The following UBAP2L variants were observed in gnomAD, a reference collection of about 807,000 sequenced individuals.
UBAP2L encodes ubiquitin-associated protein 2-like.
A neutral mutation model predicts 130.6 loss-of-function variants in UBAP2L; 12 were observed. That is an observed-to-expected ratio of 0.09 (90% confidence interval 0.06 to 0.15). The LOEUF is 0.15. Among genes scored for constraint, UBAP2L ranks in the 10% least tolerant of loss-of-function variants. The pLI is 1.00. For synonymous variants in UBAP2L, 503 were observed against 524.7 expected (o/e 0.96, Z 0.57); for missense variants, 965 against 1,332.5 (o/e 0.72, Z 4.29).
chr1:154,254,641 GTT>G (rs1679002878), intron 15 of UBAP2L, 193 bp from the exon 16 acceptor site: 5 of 579,180 alleles, frequency 8.6e-6, no homozygotes, highest in African/African-American at 4.4e-5. Context: ...GTATATCTCA[GTT>G]TTGTTGTTTA....
Position 154,270,250 on chromosome 1 carries a change from G to A in UBAP2L, c.3219G>A (p.Gln1073=). The change falls in exon 27 of 27, where the codon CAG becomes CAA. Residue 1073 remains glutamine (Q), a synonymous_variant. Transcript: ENST00000428931. ...SQTSSIPQKP[Q]TNKSAYNSYS... ...CCAGCTCCATCCCGCAGAAGCCCCA[G>A]ACCAACAAGTCTGCCTACAACAGCT... The A allele has an allele frequency of 6.2e-7, 1 of 1,613,654 alleles. No individual in the cohort carries two copies. The highest frequency in any genetic ancestry group is 8.5e-7 in the Non-Finnish European group (1 of 1,179,812).
At chr1:154,229,552 G>A (rs1267267439) in intron 4 of UBAP2L, among the ~76,000 whole-genome samples, 1 of 151,774 alleles carries the variant, frequency 6.6e-6, no homozygotes, top group Non-Finnish European at 1.5e-5. Flanking sequence ...CAACCTCCTC[G>A]TCCTGGGCTT....
At position 154,259,348 on chromosome 1, in the gene UBAP2L, C is replaced by T. The variant is rs553493605; in HGVS notation, c.2496+318C>T. Among the ~76,000 whole-genome samples the T allele has an allele frequency of 2.1e-3, 327 of 152,100 alleles. 1 individual carries two copies. Among genetic ancestry groups the T allele is most frequent in the African/African-American group, 7.6e-3 (317 of 41,496 alleles). On this transcript the variant is annotated intron_variant, in intron 21 of 26. Transcript: ENST00000428931. ...TGGGATTAAAGGTGCCCACCACCAC[C>T]CCCAGCTAATTTTTTTTGTATTTTT...
chr1:154,224,311 GGT>G (rs1348940860), intron 1 of UBAP2L, among the ~76,000 whole-genome samples: 4 of 152,268 alleles, frequency 2.6e-5, no homozygotes, highest in Admixed American at 2.6e-4. Flanking sequence ...TGTATATTAA[GGT>G]GAGTGGTGGA....
Position 154,259,007 on chromosome 1 carries a change from A to T in UBAP2L, c.2473A>T (p.Met825Leu). Residue 825 changes from methionine to leucine, a missense_variant, in exon 21 of 27, where the codon ATG becomes TTG. This residue lies in a region of UBAP2L where 393 missense variants were observed against 408.1 expected (regional missense o/e 0.96). Transcript: ENST00000428931. ...AGTATATGGTTATGATGACTTGCAG[A>T]TGCTTCAGACAAGATTTCCATTGGT... is the stretch of plus-strand genomic sequence containing the variant. ...PQVYGYDDLQ[M>L]LQTRFPLDYY... The T allele has an allele frequency of 6.2e-7, 1 of 1,614,064 alleles. No homozygotes were observed. Among genetic ancestry groups the T allele is most frequent in the South Asian group, 1.1e-5 (1 of 91,066 alleles).
chr1:154,220,569 G>A (rs1459905867), upstream of UBAP2L: 2 of 691,038 alleles, frequency 2.9e-6, no homozygotes, highest in Non-Finnish European at 5.0e-6. Flanking sequence ...ATGGCGGACA[G>A]GCAGGAGAGC....
rs1684605770 is a variant in UBAP2L, at chr1:154,270,784, T to TTTTTTTTA, written c.*491_*492insTTTTTATT. On this transcript the variant is annotated 3_prime_UTR_variant, in exon 27 of 27. Coordinates refer to ENST00000428931, the MANE Select transcript of UBAP2L (RefSeq NM_014847.4). ...GTTTTTTTTTTGTTTTTTTTTTTTTTTTGTACTGTGTCCTCAAATTTAATG... is the reference window on the plus strand; with the variant it reads ...GTTTTTTTTTTGTTTTTTTTTTTTTTTTTTTTTATTGTACTGTGTCCTCAAATTTAATG... 1 of 1,332,578 alleles carries TTTTTTTTA rather than the reference T, an allele frequency of 7.5e-7. No homozygotes were observed. Among genetic ancestry groups the TTTTTTTTA allele is most frequent in the Non-Finnish European group, 9.7e-7 (1 of 1,035,768 alleles). The allele number at this position is 1,332,578 out of a possible 1,614,324, so 82.5% of individuals were successfully genotyped here.
At chr1:154,271,112 C>G, downstream of UBAP2L, 1 of 664,140 alleles carries the variant, frequency 1.5e-6, no homozygotes, top group Non-Finnish European at 2.5e-6. Flanking sequence ...TCTTCATTTC[C>G]TCCAGAAACT....
rs1681354611 is a variant in UBAP2L at position 154,260,906 on chromosome 1, T to C, written c.2593T>C (p.Phe865Leu). The C allele has an allele frequency of 6.2e-7, 1 of 1,614,086 alleles. No individual in the cohort carries two copies. The change falls in exon 23 of 27, where the codon TTC (phenylalanine) becomes CTC (leucine). Residue 865 changes from phenylalanine to leucine, a missense_variant. Coordinates refer to ENST00000428931, the MANE Select transcript of UBAP2L (RefSeq NM_014847.4). The part of the protein sequence containing the change: ...SNPYSGDLTK[F>L]GRGDASSPAP... Reference sequence around the variant, plus strand: ...TCCTGTCACAGGTGACCTCACAAAGTTCGGCCGTGGGGATGCCTCCTCCCC... The same window carrying C: ...TCCTGTCACAGGTGACCTCACAAAGCTCGGCCGTGGGGATGCCTCCTCCCC...
intron 10 of UBAP2L, among the ~76,000 whole-genome samples, chr1:154,244,194 C>T (rs752570105): frequency 3.9e-5 from 6 of 152,114 alleles, no homozygotes; most frequent in South Asian, 2.1e-4. Context: ...TCAGTTCTGA[C>T]GTTAACTACC....
At chr1:154,220,237 A>AG (rs1665427473), upstream of UBAP2L, 3 of 1,350,742 alleles carry the variant, frequency 2.2e-6, no homozygotes, top group Non-Finnish European at 3.2e-6. Flanking sequence ...AAGCCCGGAT[A>AG]GGCGCAGGTG....
chr1:154,226,716 C>T (rs79796472), intron 2 of UBAP2L, among the ~76,000 whole-genome samples: 4,401 of 152,290 alleles, frequency 0.029, 208 homozygotes, highest in African/African-American at 0.098. Flanking sequence ...TGTTTCAGAG[C>T]GGTTCTGTGA....
chr1:154,227,747 C>T (rs1668459170), intron 3 of UBAP2L, among the ~76,000 whole-genome samples: 1 of 151,974 alleles, frequency 6.6e-6, no homozygotes, highest in Non-Finnish European at 1.5e-5. Flanking sequence ...GGGGTTTCAC[C>T]ATGTTGGCCA....
Position 154,246,324 on chromosome 1 carries a change from G to T in UBAP2L, c.963G>T (p.Gln321His). ...CTCTGGTGTTCAGTAATTCGAAGCA[G>T]ACTGCCATATCACAGCCTGCTTCAG... ...AQPLVFSNSK[Q>H]TAISQPASGN... Residue 321 changes from glutamine to histidine, a missense_variant, in exon 11 of 27, where the codon CAG (glutamine) becomes CAT (histidine). This residue lies in a region of UBAP2L where 99 missense variants were observed against 106.4 expected (regional missense o/e 0.93). Coordinates refer to ENST00000428931, the MANE Select transcript of UBAP2L (RefSeq NM_014847.4). 6.2e-7 allele frequency: 1 copy of T among 1,613,606 alleles called. No individual in the cohort carries two copies. Among genetic ancestry groups the T allele is most frequent in the South Asian group, 1.1e-5 (1 of 91,052 alleles).
Position 154,257,357 on chromosome 1 carries a change from C to T in UBAP2L, c.2365C>T (p.Pro789Ser), listed in dbSNP as rs776248668. 6.2e-7 allele frequency: 1 copy of T among 1,613,940 alleles called. No individual in the cohort carries two copies. Among genetic ancestry groups the T allele is most frequent in the Non-Finnish European group, 8.5e-7 (1 of 1,180,044 alleles). ...AATTTCTCTTTTAGGAAAAGCTCCTCCCAACCTCCCTCCTGGGGTCCCGCC... is the reference window on the plus strand; with the variant it reads ...AATTTCTCTTTTAGGAAAAGCTCCTTCCAACCTCCCTCCTGGGGTCCCGCC... Reference protein sequence around the residue: ...SVATTSGKAPPNLPPGVPPLL... With the variant: ...SVATTSGKAPSNLPPGVPPLL... Residue 789 changes from proline (P) to serine (S), a missense_variant, in exon 20 of 27, where the codon CCC becomes TCC. Pro to Ser is a moderately conservative substitution (Grantham distance 74, BLOSUM62 -1). Around this residue, in one of 9 missense-constraint regions of UBAP2L, gnomAD observed 393 missense variants for 408.1 expected, o/e 0.96. Coordinates refer to ENST00000428931, the MANE Select transcript of UBAP2L (RefSeq NM_014847.4).
Position 154,268,542 on chromosome 1 carries a change from A to G in UBAP2L, c.2971-215A>G, listed in dbSNP as rs369431348. Among the ~76,000 whole-genome samples the G allele has an allele frequency of 9.8e-5, 15 of 152,298 alleles. No individual in the cohort carries two copies. In the South Asian group the frequency reaches 2.9e-3, roughly 29 times the overall value. On this transcript the variant is annotated intron_variant, in intron 25 of 26. Coordinates refer to ENST00000428931, the MANE Select transcript of UBAP2L (RefSeq NM_014847.4). Reference sequence around the variant, plus strand: ...GCATCCCTGTTTTATATCTGAGGAAACTGAGGCTAAGAGATTGAGTAGTAT... The same window carrying G: ...GCATCCCTGTTTTATATCTGAGGAAGCTGAGGCTAAGAGATTGAGTAGTAT...
intron 6 of UBAP2L, 147 bp from the exon 7 acceptor site, chr1:154,236,419 G>C (rs751816824): frequency 8.8e-6 from 7 of 792,446 alleles, no homozygotes; most frequent in Non-Finnish European, 1.5e-5. Context: ...GGCTGGTCTC[G>C]AACTTCTGGA....
intron 14 of UBAP2L, among the ~76,000 whole-genome samples, chr1:154,252,834 C>G (rs1358156641): frequency 6.6e-6 from 1 of 152,170 alleles, no homozygotes; most frequent in Non-Finnish European, 1.5e-5. Context: ...GCTGGGATTA[C>G]AGGCGTGAGC....
intron 12 of UBAP2L, 128 bp downstream of exon 12, chr1:154,249,565 C>A: frequency 9.6e-7 from 1 of 1,046,456 alleles, no homozygotes; most frequent in Non-Finnish European, 1.4e-6. Context: ...GTTACCTTCC[C>A]ACATGTATTT....
Sources: gnomAD v4.1 joint callset for allele counts (sites outside exome capture counted in the v4.1 genomes callset) on GRCh38, gnomAD v4.1.1 for gene constraint, gnomAD v4.1.1 regional missense constraint, MANE v1.5 for transcripts, NCBI Gene and HGNC (gene_info 2026-07-23, HGNC 2026-07-21) for gene names.